The following CABIN1 variants were observed in gnomAD, a reference collection of about 807,000 sequenced individuals.
CABIN1 encodes calcineurin-binding protein cabin-1.
CABIN1 carries 133 observed loss-of-function variants against 227.7 expected under a neutral mutation model. The observed-to-expected ratio is 0.58, with a 90% CI of 0.51 to 0.67. The LOEUF is 0.67. Among genes scored for constraint, CABIN1 ranks in the 30% least tolerant of loss-of-function variants. CABIN1 has a pLI of 0.00. For synonymous variants in CABIN1, 1,086 were observed against 1,155.1 expected (o/e 0.94, Z 1.21); for missense variants, 2,408 against 2,852.5 (o/e 0.84, Z 3.55).
At chr22:24,021,233 T>C (rs895052469) in intron 1 of CABIN1, among the ~76,000 whole-genome samples, 1 of 151,836 alleles carries the variant, frequency 6.6e-6, no homozygotes, top group Admixed American at 6.6e-5. Flanking sequence ...TTGCCCAGGG[T>C]GGTCTCGGAC....
Position 24,050,880 on chromosome 22 carries a change from G to C in CABIN1, c.712G>C (p.Asp238His), listed in dbSNP as rs779505452. 6.2e-7 allele frequency: 1 copy of C among 1,614,230 alleles called. No individual in the cohort carries two copies. Among genetic ancestry groups the C allele is most frequent in the South Asian group, 1.1e-5 (1 of 91,082 alleles). The change falls in exon 8 of 37, where the codon GAT (aspartate) becomes CAT (histidine). Residue 238 changes from aspartate to histidine, a missense_variant. By Grantham distance (81) the Asp-to-His change is moderately conservative. Coordinates refer to ENST00000263119, the MANE Select transcript of CABIN1 (RefSeq NM_012295.4). ...TGCAGCTGAGACACAGGCGATTGTA[G>C]ATGAGGCCTTGGGGCTGCGAAAAAA... ...VSAAETQAIV[D>H]EALGLRKKRQ...
chr22:24,156,407 C>T, intron 29 of CABIN1: 1 of 263,938 alleles, frequency 3.8e-6, no homozygotes. Flanking sequence ...GCGGGGGCGG[C>T]AGGCGCTGGT....
At chr22:24,121,757 G>C (rs1032516970) in intron 28 of CABIN1, among the ~76,000 whole-genome samples, 1 of 152,154 alleles carries the variant, frequency 6.6e-6, no homozygotes, top group Admixed American at 6.5e-5. Context: ...TCAGTGGAAC[G>C]GACACTAGTA....
intron 28 of CABIN1, among the ~76,000 whole-genome samples, chr22:24,127,330 G>A (rs1251137155): frequency 2.0e-5 from 3 of 152,218 alleles, no homozygotes. Flanking sequence ...CACAGGGAGG[G>A]AATTCAAGGA....
intron 29 of CABIN1, among the ~76,000 whole-genome samples, chr22:24,138,511 G>A (rs1368346897): frequency 1.3e-5 from 2 of 152,170 alleles, no homozygotes; most frequent in African/African-American, 2.4e-5. Context: ...CACAAGTCTG[G>A]GCCTCCGAAA....
intron 7 of CABIN1, among the ~76,000 whole-genome samples, chr22:24,050,157 C>T (rs943831117): frequency 3.9e-5 from 6 of 152,210 alleles, no homozygotes; most frequent in African/African-American, 1.4e-4. Context: ...CCCCTGTGAG[C>T]CTGTCCCTCT....
rs139373206 is a variant in CABIN1 at position 24,068,693 on chromosome 22, A to G, written c.2232+1512A>G. ...AAAGATAGTAATCTTTTTCTCAACA[A>G]ATCTTGCAAATATTTTTTTCCCAAT... On this transcript the variant is annotated intron_variant, in intron 16 of 36. Coordinates refer to ENST00000263119, the MANE Select transcript of CABIN1 (RefSeq NM_012295.4). 3.8e-3 allele frequency among the ~76,000 whole-genome samples: 581 copies of G among 152,306 alleles called. 5 individuals carry two copies. Among genetic ancestry groups the G allele is most frequent in the African/African-American group, 0.014 (562 of 41,560 alleles).
intron 1 of CABIN1, among the ~76,000 whole-genome samples, chr22:24,016,210 G>T (rs1468951604): frequency 6.6e-6 from 1 of 152,130 alleles, no homozygotes; most frequent in African/African-American, 2.4e-5. Context: ...TTATAAATTT[G>T]CCTGTTTTGG....
At chr22:24,012,417 G>A (rs1379460648) in intron 1 of CABIN1, among the ~76,000 whole-genome samples, 1 of 152,098 alleles carries the variant, frequency 6.6e-6, no homozygotes, top group South Asian at 2.1e-4. Context: ...CCCTCATCTA[G>A]TACAAAGCCT....
chr22:24,067,998 T>C (rs970277703), intron 16 of CABIN1, among the ~76,000 whole-genome samples: 8 of 152,098 alleles, frequency 5.3e-5, no homozygotes, highest in Non-Finnish European at 4.4e-5. Context: ...AATCACATTG[T>C]GTTTTGTATC....
intron 29 of CABIN1, among the ~76,000 whole-genome samples, chr22:24,145,090 T>G (rs1419523558): frequency 6.6e-6 from 1 of 152,200 alleles, no homozygotes; most frequent in Non-Finnish European, 1.5e-5. Flanking sequence ...CAGTGCCACA[T>G]GCACATCAGG....
intron 3 of CABIN1, among the ~76,000 whole-genome samples, chr22:24,037,615 A>G (rs1478038535): frequency 2.0e-5 from 3 of 152,032 alleles, no homozygotes; most frequent in Non-Finnish European, 4.4e-5. Context: ...AACCATTCAC[A>G]CTGAACATTT....
At chr22:24,170,126 C>T (rs1457727075) in intron 33 of CABIN1, 4 of 458,082 alleles carry the variant, frequency 8.7e-6, no homozygotes, top group Non-Finnish European at 1.8e-5. Context: ...GCCTGCTTCC[C>T]AGACCCTGGT....
chr22:24,109,587 T>C (rs1322302706), intron 26 of CABIN1, among the ~76,000 whole-genome samples: 1 of 152,160 alleles, frequency 6.6e-6, no homozygotes, highest in Non-Finnish European at 1.5e-5. Flanking sequence ...CCCAGCTGAT[T>C]AGCACTAAAA....
chr22:24,131,311 C>G (rs1473650839), intron 28 of CABIN1, among the ~76,000 whole-genome samples: 2 of 152,200 alleles, frequency 1.3e-5, no homozygotes, highest in East Asian at 3.9e-4. Context: ...CCAGAAGCAG[C>G]TCTGGGGTCA....
At position 24,167,510 on chromosome 22, in the gene CABIN1, G is replaced by A. The variant is rs762100301; in HGVS notation, c.5682+197G>A. Among the ~76,000 whole-genome samples, 72 of 152,324 alleles carry A rather than the reference G, an allele frequency of 4.7e-4. 1 individual carries two copies. Among genetic ancestry groups the A allele is most frequent in the Admixed American group, 3.9e-4 (6 of 15,304 alleles). On this transcript the variant is annotated intron_variant, in intron 32 of 36. Transcript: ENST00000263119. ...TCAACCTGGAAGGAAGTGAGAGCCC[G>A]TCACAGAAACCTTATCACAACCAGC...
chr22:24,053,690 T>C (rs189238602), intron 8 of CABIN1, among the ~76,000 whole-genome samples: 25 of 152,264 alleles, frequency 1.6e-4, no homozygotes, highest in Admixed American at 1.4e-3. Context: ...GAAGCACTGT[T>C]CTTTTATTCC....
At chr22:24,095,903 G>A (rs751681781) in intron 24 of CABIN1, 28 bp from the exon 25 acceptor site, 10 of 1,613,452 alleles carry the variant, frequency 6.2e-6, no homozygotes, top group Admixed American at 1.7e-5. Context: ...TGGGAAGGCT[G>A]CTCACACTAG....
chr22:24,055,764 A>G (rs1041139825), intron 9 of CABIN1, among the ~76,000 whole-genome samples: 4 of 152,222 alleles, frequency 2.6e-5, no homozygotes, highest in African/African-American at 7.2e-5. Context: ...CATACATGAC[A>G]TTCTTCTATT....
Sources: gnomAD v4.1 joint callset for allele counts (sites outside exome capture counted in the v4.1 genomes callset) on GRCh38, gnomAD v4.1.1 for gene constraint, MANE v1.5 for transcripts, NCBI Gene and HGNC (gene_info 2026-07-23, HGNC 2026-07-21) for gene names.